MAD1L1: variants seen among roughly 807,000 people sequenced by gnomAD.
MAD1L1 encodes mitotic arrest deficient 1 like 1.
In MAD1L1, 95 loss-of-function variants were observed where a neutral mutation model predicts 96.9. The observed-to-expected ratio is 0.98, with a 90% CI of 0.83 to 1.16. MAD1L1 has a LOEUF of 1.16. Among genes scored for constraint, MAD1L1 ranks in the 50% most tolerant of loss-of-function variants. MAD1L1 has a pLI of 0.00. For missense variants in MAD1L1, 1,007 were observed against 954.4 expected (o/e 1.06, Z -0.73); for synonymous variants, 473 against 396.6 (o/e 1.19, Z -2.29).
chr7:2,144,894 G>C (rs886592933), intron 11 of MAD1L1, among the ~76,000 whole-genome samples: 2 of 152,146 alleles, frequency 1.3e-5, no homozygotes, highest in East Asian at 3.9e-4. Flanking sequence ...CCTGCTCCAA[G>C]GTAAAGAGGC....
Position 1,931,331 on chromosome 7 carries a change from C to T in MAD1L1, c.1807+5356G>A, listed in dbSNP as rs182725381. Among the ~76,000 whole-genome samples, 184 of 152,396 alleles carry T rather than the reference C, an allele frequency of 1.2e-3. 1 individual carries two copies. Among genetic ancestry groups the T allele is most frequent in the Middle Eastern group, 3.4e-3 (1 of 294 alleles). On this transcript the variant is annotated intron_variant, in intron 17 of 18. Coordinates refer to ENST00000265854, the MANE Select transcript of MAD1L1 (RefSeq NM_001013836.2). ...CTGCGGGCACACCCTTGCTCCTCAT[C>T]TGGAGAATGGGGAGGGGACAGCCCT...
intron 18 of MAD1L1, chr7:1,849,575 C>T (rs1287665389): frequency 6.6e-6 from 1 of 152,254 alleles, no homozygotes; most frequent in East Asian, 1.9e-4. Flanking sequence ...TCAGCCTGCA[C>T]TGCTGGACAG....
chr7:2,129,575 G>C (rs541781465), intron 11 of MAD1L1, among the ~76,000 whole-genome samples: 1 of 152,170 alleles, frequency 6.6e-6, no homozygotes, highest in Non-Finnish European at 1.5e-5. Flanking sequence ...GGTGCCTCCC[G>C]TCATGAGGAG....
At chr7:2,069,448 C>A in intron 11 of MAD1L1, 110 bp from the exon 12 acceptor site, 1 of 1,047,444 alleles carries the variant, frequency 9.5e-7, no homozygotes, top group Non-Finnish European at 1.3e-6. Context: ...AATAGAGCTG[C>A]ACGTGCAACC....
chr7:1,874,547 T>C, intron 18 of MAD1L1: 1 of 369,960 alleles, frequency 2.7e-6, no homozygotes. Flanking sequence ...GCGGCTTCCT[T>C]AAAAAAAAAA....
intron 12 of MAD1L1, among the ~76,000 whole-genome samples, chr7:2,066,770 G>A (rs17132128): frequency 0.082 from 12,478 of 152,278 alleles, 1,646 homozygotes; most frequent in African/African-American, 0.28. Context: ...TCCTCATCAC[G>A]GCCGGGAGCC....
intron 12 of MAD1L1, among the ~76,000 whole-genome samples, chr7:2,026,826 A>T (rs981283197): frequency 1.3e-5 from 2 of 152,242 alleles, no homozygotes; most frequent in Admixed American, 6.5e-5. Flanking sequence ...TAACACAAGA[A>T]AGGATAAATA....
intron 18 of MAD1L1, among the ~76,000 whole-genome samples, chr7:1,855,022 G>A (rs952747956): frequency 1.2e-4 from 19 of 152,198 alleles, no homozygotes; most frequent in Non-Finnish European, 2.1e-4. Flanking sequence ...TGGGAGGCAC[G>A]TGGGCTGCGG....
chr7:2,203,891 AC>A (rs1485132682), intron 10 of MAD1L1, among the ~76,000 whole-genome samples: 3 of 152,232 alleles, frequency 2.0e-5, no homozygotes, highest in Non-Finnish European at 4.4e-5. Flanking sequence ...CTATTCTGGA[AC>A]AGCCCCCCAG....
intron 11 of MAD1L1, among the ~76,000 whole-genome samples, chr7:2,135,869 A>T (rs941024601): frequency 3.9e-5 from 6 of 152,232 alleles, no homozygotes; most frequent in African/African-American, 1.4e-4. Context: ...CTCTATTTTC[A>T]GGCTCTTTTC....
intron 18 of MAD1L1, among the ~76,000 whole-genome samples, chr7:1,875,539 G>A (rs1472245310): frequency 6.6e-6 from 1 of 152,194 alleles, no homozygotes; most frequent in African/African-American, 2.4e-5. Flanking sequence ...ACAAGCAGAG[G>A]AGAAAGGAAG....
intron 17 of MAD1L1, among the ~76,000 whole-genome samples, chr7:1,935,946 TC>T (rs1161016051): frequency 6.6e-6 from 1 of 151,864 alleles, no homozygotes; most frequent in Non-Finnish European, 1.5e-5. Flanking sequence ...CTCCCCCAGG[TC>T]CCCCCAGAAC....
At chr7:1,907,713 TG>T (rs1208640915) in intron 17 of MAD1L1, among the ~76,000 whole-genome samples, 4 of 152,204 alleles carry the variant, frequency 2.6e-5, no homozygotes, top group African/African-American at 4.8e-5. Flanking sequence ...AGTGAGACAG[TG>T]GAGGCGAAAA....
intron 18 of MAD1L1, among the ~76,000 whole-genome samples, chr7:1,881,240 G>A (rs900151650): frequency 2.6e-5 from 4 of 152,094 alleles, no homozygotes; most frequent in Non-Finnish European, 4.4e-5. Flanking sequence ...AAATGGTCAC[G>A]CATTTGAATT....
chr7:1,852,730 C>T (rs1784043794), intron 18 of MAD1L1, among the ~76,000 whole-genome samples: 1 of 151,986 alleles, frequency 6.6e-6, no homozygotes, highest in South Asian at 2.1e-4. Context: ...GGTGTCGGCA[C>T]AGGCCTTGTA....
In MAD1L1 at chr7:1,818,407, C is replaced by A. The variant is rs180862200; in HGVS notation, c.1999-2179G>T. On this transcript the variant is annotated intron_variant, in intron 18 of 18. Coordinates refer to ENST00000265854, the MANE Select transcript of MAD1L1 (RefSeq NM_001013836.2). ...TTCTAAAAATATTTTTTTTTAGAGA[C>A]GAGTCTCACTCTGTCACCCAGGCTG... Among the ~76,000 whole-genome samples, 14 of 151,600 alleles carry A rather than the reference C, an allele frequency of 9.2e-5. No individual in the cohort carries two copies. In the South Asian group the frequency reaches 3.0e-3, roughly 32 times the overall value.
In MAD1L1 at chr7:1,945,745, TG is replaced by T. The variant is rs202193066; in HGVS notation, c.1597-8849del. On this transcript the variant is annotated intron_variant, in intron 16 of 18. Transcript: ENST00000265854. ...CGACCCCTCAGAGGTGCGGGTAAGG[TG>T]GCGGCGCTGGGCCGCAGACCGGGGT... Among the ~76,000 whole-genome samples, 612 of 152,268 alleles carry T rather than the reference TG, an allele frequency of 4.0e-3. 5 individuals carry two copies. The highest frequency in any genetic ancestry group is 0.013 in the African/African-American group (561 of 41,558).
chr7:2,096,278 C>T (rs1786485378), intron 11 of MAD1L1, among the ~76,000 whole-genome samples: 1 of 152,168 alleles, frequency 6.6e-6, no homozygotes, highest in Admixed American at 6.5e-5. Context: ...CCCTGTGATC[C>T]CAGGGAGAAC....
intron 15 of MAD1L1, among the ~76,000 whole-genome samples, chr7:1,976,249 A>G (rs563891413): frequency 1.1e-3 from 167 of 152,364 alleles, no homozygotes; most frequent in African/African-American, 3.7e-3. Context: ...GACTTCAAGA[A>G]TGAAACCGTG....
Sources: allele counts gnomAD v4.1 joint callset (sites outside exome capture counted in the v4.1 genomes callset), GRCh38; gene constraint gnomAD v4.1.1; transcripts MANE v1.5; gene names NCBI Gene and HGNC (gene_info 2026-07-23, HGNC 2026-07-21).